The following FOXF2 variants were observed in gnomAD, a reference collection of about 807,000 sequenced individuals.
FOXF2 encodes forkhead box F2, also known as forkhead box protein F2.
A neutral mutation model predicts 29.1 loss-of-function variants in FOXF2; 15 were observed. That is an observed-to-expected ratio of 0.52 (90% CI 0.35 to 0.79). The LOEUF is 0.79. FOXF2 is among the 30% of genes least tolerant of loss of function. The probability of loss-of-function intolerance (pLI) is 0.01; values close to 1 mark genes in which losing one functional copy is unlikely to be tolerated. For missense variants in FOXF2, 675 were observed against 667.1 expected, an observed-to-expected ratio of 1.01 and a Z score of -0.13; for synonymous variants, 337 against 316.5, an observed-to-expected ratio of 1.06 and a Z score of -0.69.
At chr6:1,393,608 G>A (rs978192731) in intron 1 of FOXF2, among the ~76,000 whole-genome samples, 3 of 152,144 alleles carry the variant, frequency 2.0e-5, no homozygotes, top group Non-Finnish European at 4.4e-5. Flanking sequence ...CGGGGACACG[G>A]CGGGGCTGAG....
At chr6:1,393,170 C>A (rs898878340) in intron 1 of FOXF2, among the ~76,000 whole-genome samples, 8 of 152,080 alleles carry the variant, frequency 5.3e-5, no homozygotes, top group Non-Finnish European at 8.8e-5. Flanking sequence ...CCCAGCACGA[C>A]CCTCCCTCCC....
chr6:1,390,291 G>A lies in FOXF2; in HGVS notation c.344G>A (p.Ser115Asn), dbSNP rs1027713266. 3.7e-6 allele frequency: 6 copies of A among 1,612,828 alleles called. No homozygotes were observed. In the African/African-American group the frequency reaches 8.0e-5, roughly 22 times the overall value. Residue 115 changes from serine (S) to asparagine (N), a missense_variant, in exon 1 of 2, where the codon AGC (serine) becomes AAC (asparagine). By Grantham distance (46) the Ser-to-Asn change is conservative (BLOSUM62 1). Coordinates refer to ENST00000645481, the MANE Select transcript of FOXF2 (RefSeq NM_001452.2). This position sits in a 1 kb window ranked among gnomAD's most constrained non-coding sequence, Gnocchi z 8.5. ...GCGCTCATCGTCATGGCCATCCAGA[G>A]CTCGCCCAGCAAGCGCCTGACGCTC... ...YIALIVMAIQ[S>N]SPSKRLTLSE...
At chr6:1,393,410 T>C (rs567402555) in intron 1 of FOXF2, among the ~76,000 whole-genome samples, 9 of 151,910 alleles carry the variant, frequency 5.9e-5, no homozygotes, top group African/African-American at 2.2e-4. Context: ...TATTTTGTGG[T>C]CCAGGACTTG....
Position 1,390,932 on chromosome 6 carries a change from T to G in FOXF2, c.985T>G (p.Cys329Gly). 2 of 1,578,580 alleles carry G rather than the reference T, an allele frequency of 1.3e-6. No homozygotes were observed. The highest frequency in any genetic ancestry group is 2.7e-5 in the African/African-American group (2 of 74,332). Reference sequence around the variant, plus strand: ...CCCGGCCATGGCGAGCGCCATCGAATGCCACTCGCCCTACACGAGCCCTGC... The same window carrying G: ...CCCGGCCATGGCGAGCGCCATCGAAGGCCACTCGCCCTACACGAGCCCTGC... ...SSPAMASAIE[C>G]HSPYTSPAAH... Residue 329 changes from cysteine to glycine, a missense_variant, in exon 1 of 2, where the codon TGC becomes GGC. Coordinates refer to ENST00000645481, the MANE Select transcript of FOXF2 (RefSeq NM_001452.2). This position sits in a 1 kb window ranked among gnomAD's most constrained non-coding sequence, Gnocchi z 8.5.
Position 1,390,785 on chromosome 6 carries a change from C to A in FOXF2, c.838C>A (p.Pro280Thr), listed in dbSNP as rs1442162454. The change falls in exon 1 of 2, where the codon CCG becomes ACG. Residue 280 changes from proline (P) to threonine (T), a missense_variant. Transcript: ENST00000645481. The surrounding 1 kb of genome is among the most constrained non-coding windows in gnomAD (Gnocchi z 8.5). The part of the protein sequence containing the change: ...HHHVPHMSPN[P>T]GSTYMASCPV... Reference sequence around the variant, plus strand: ...CCACGTCCCGCACATGTCGCCCAACCCGGGTTCCACCTACATGGCCAGCTG... The same window carrying A: ...CCACGTCCCGCACATGTCGCCCAACACGGGTTCCACCTACATGGCCAGCTG... The A allele has an allele frequency of 2.9e-6, 4 of 1,388,020 alleles. No individual in the cohort carries two copies. Among genetic ancestry groups the A allele is most frequent in the East Asian group, 5.8e-5 (2 of 34,260 alleles). 86.0% of individuals were successfully genotyped at this position (1,388,020 alleles called of 1,614,324 possible).
Position 1,392,476 on chromosome 6 carries a change from A to ACCC in FOXF2, c.1171+1360_1171+1362dup, listed in dbSNP as rs1554124337. ...CACACACACACACACACACACACAC[A>ACCC]CCCCTCGGTGCACTGGCCCCTTCCC... On this transcript the variant is annotated intron_variant, in intron 1 of 1. Coordinates refer to ENST00000645481, the MANE Select transcript of FOXF2 (RefSeq NM_001452.2). Among the ~76,000 whole-genome samples the ACCC allele has an allele frequency of 2.0e-3, 280 of 139,968 alleles. 2 individuals are homozygous for ACCC. Among genetic ancestry groups the ACCC allele is most frequent in the East Asian group, 0.013 (59 of 4,584 alleles). The allele number at this position is 139,968 out of a possible 152,430, so 91.8% of individuals were successfully genotyped here.
Position 1,390,479 on chromosome 6 carries a change from C to T in FOXF2, c.532C>T (p.Pro178Ser). 2.5e-6 allele frequency: 4 copies of T among 1,612,032 alleles called. No homozygotes were observed. The highest frequency in any genetic ancestry group is 3.4e-6 in the Non-Finnish European group (4 of 1,179,876). ...CAAGGGCCACTACTGGACCATCGAC[C>T]CGGCCAGCGAGTTCATGTTCGAGGA... is the stretch of plus-strand genomic sequence containing the variant. The part of the protein sequence containing the change: ...PGKGHYWTID[P>S]ASEFMFEEGS... The change falls in exon 1 of 2, where the codon CCG (proline) becomes TCG (serine). Residue 178 changes from proline to serine, a missense_variant. Physicochemically the swap from Pro to Ser is moderately conservative, Grantham distance 74. This residue lies in a region of FOXF2 where 451 missense variants were observed against 437.2 expected (regional missense o/e 1.03). Coordinates refer to ENST00000645481, the MANE Select transcript of FOXF2 (RefSeq NM_001452.2). This position sits in a 1 kb window ranked among gnomAD's most constrained non-coding sequence, Gnocchi z 8.5.
rs745729901 is a variant in FOXF2, at chr6:1,391,100, G to C, written c.1153G>C (p.Ala385Pro). The change falls in exon 1 of 2, where the codon GCT becomes CCT. Residue 385 changes from alanine (A) to proline (P), a missense_variant. This residue lies in a region of FOXF2 where 451 missense variants were observed against 437.2 expected (regional missense o/e 1.03). Transcript: ENST00000645481. ...SLEQSYLHQN[A>P]REDLSVGLPR... is the part of the protein sequence containing the mutation. ...GGAGCAGAGCTACTTGCACCAGAAC[G>C]CTCGCGAGGACCTCTCAGGTAACGC... 3.7e-6 allele frequency: 6 copies of C among 1,602,822 alleles called. No homozygotes were observed. The South Asian group carries it at 6.6e-5, about 18-fold the overall frequency.
chr6:1,390,792 C>T lies in FOXF2; in HGVS notation c.845C>T (p.Ser282Phe). ...CCGCACATGTCGCCCAACCCGGGTT[C>T]CACCTACATGGCCAGCTGCCCGGTG... ...HVPHMSPNPGSTYMASCPVPA... is the reference protein window; with the variant it reads ...HVPHMSPNPGFTYMASCPVPA... Residue 282 changes from serine (S) to phenylalanine (F), a missense_variant, in exon 1 of 2, where the codon TCC becomes TTC. Ser to Phe is a radical substitution (Grantham distance 155). This residue lies in a region of FOXF2 where 451 missense variants were observed against 437.2 expected (regional missense o/e 1.03). Transcript: ENST00000645481. This position sits in a 1 kb window ranked among gnomAD's most constrained non-coding sequence, Gnocchi z 8.5. The T allele has an allele frequency of 7.2e-7, 1 of 1,388,018 alleles. No individual in the cohort carries two copies. Among genetic ancestry groups the T allele is most frequent in the Admixed American group, 3.7e-5 (1 of 27,206 alleles). 86.0% of individuals were successfully genotyped at this position (1,388,018 alleles called of 1,614,324 possible). A position where few individuals can be genotyped will look rare whatever the true frequency, so the allele number is the denominator to read the frequency against.
In FOXF2 at chr6:1,390,609, T is replaced by C; in HGVS notation, c.662T>C (p.Leu221Pro). Reference sequence around the variant, plus strand: ...GGCTTGGGCTTCGGGGCGTCGCTGCTGCCCCAGGGCTTCGACTTCCAGGCG... The same window carrying C: ...GGCTTGGGCTTCGGGGCGTCGCTGCCGCCCCAGGGCTTCGACTTCCAGGCG... ...VSGLGFGASL[L>P]PQGFDFQAPP... The change falls in exon 1 of 2, where the codon CTG becomes CCG. Residue 221 changes from leucine (L) to proline (P), a missense_variant. Physicochemically the swap from Leu to Pro is moderately conservative, Grantham distance 98. Transcript: ENST00000645481. This position sits in a 1 kb window ranked among gnomAD's most constrained non-coding sequence, Gnocchi z 8.5. 1 of 1,592,154 alleles carries C rather than the reference T, an allele frequency of 6.3e-7. No homozygotes were observed. Among genetic ancestry groups the C allele is most frequent in the Non-Finnish European group, 8.5e-7 (1 of 1,175,680 alleles).
intron 1 of FOXF2, among the ~76,000 whole-genome samples, chr6:1,393,697 G>A (rs1262046961): frequency 6.6e-6 from 1 of 152,182 alleles, no homozygotes; most frequent in East Asian, 1.9e-4. Flanking sequence ...GGCCCGAAGC[G>A]ACGTGCACTT....
rs1381501353 is a variant in FOXF2, at chr6:1,389,878, C to G, written c.-70C>G. ...GGCGCTCGCAGGGCTTCTGGGCCGA[C>G]CCCGCTCCGGCGCCTCCGCTTCCCG... On this transcript the variant is annotated 5_prime_UTR_variant, in exon 1 of 2. Coordinates refer to ENST00000645481, the MANE Select transcript of FOXF2 (RefSeq NM_001452.2). The G allele has an allele frequency of 3.9e-6, 2 of 516,086 alleles. No individual in the cohort carries two copies. The highest frequency in any genetic ancestry group is 4.2e-5 in the African/African-American group (2 of 47,610). 32.0% of individuals were successfully genotyped at this position (516,086 alleles called of 1,614,324 possible). A position where few individuals can be genotyped will look rare whatever the true frequency, so the allele number is the denominator to read the frequency against.
Position 1,389,667 on chromosome 6 carries a change from C to T in FOXF2, c.-281C>T, listed in dbSNP as rs2113366485. On this transcript the variant is annotated 5_prime_UTR_variant, in exon 1 of 2. Coordinates refer to ENST00000645481, the MANE Select transcript of FOXF2 (RefSeq NM_001452.2). ...CGCGGGCGCAGTCGCCCGGCGCCGGCCGCTCGGCCCCGCGGCCTGGGAGGC... is the reference window on the plus strand; with the variant it reads ...CGCGGGCGCAGTCGCCCGGCGCCGGTCGCTCGGCCCCGCGGCCTGGGAGGC... 1.3e-5 allele frequency: 2 copies of T among 150,696 alleles called. No individual in the cohort carries two copies. Among genetic ancestry groups the T allele is most frequent in the Admixed American group, 1.3e-4 (2 of 15,132 alleles). 9.3% of individuals were successfully genotyped at this position (150,696 alleles called of 1,614,324 possible).
intron 1 of FOXF2, among the ~76,000 whole-genome samples, chr6:1,393,470 C>A (rs1758837227): frequency 6.6e-6 from 1 of 152,128 alleles, no homozygotes; most frequent in South Asian, 2.1e-4. Context: ...GTGTGCAGAG[C>A]GCCGCGCACA....
intron 1 of FOXF2, among the ~76,000 whole-genome samples, chr6:1,393,124 C>G (rs752027652): frequency 3.2e-4 from 48 of 152,170 alleles, no homozygotes; most frequent in Middle Eastern, 6.8e-3. Flanking sequence ...GGCAGTCTCC[C>G]CGGCACACAG....
chr6:1,391,047 T>C lies in FOXF2; in HGVS notation c.1100T>C (p.Leu367Pro), dbSNP rs1260464215. The change falls in exon 1 of 2, where the codon CTG (leucine) becomes CCG (proline). Residue 367 changes from leucine to proline, a missense_variant. Physicochemically the swap from Leu to Pro is moderately conservative, Grantham distance 98. This residue lies in a region of FOXF2 where 451 missense variants were observed against 437.2 expected (regional missense o/e 1.03). Coordinates refer to ENST00000645481, the MANE Select transcript of FOXF2 (RefSeq NM_001452.2). ...PSSNPAASAG[L>P]HSSMSSYSLE... ...AGCAACCCCGCCGCCTCGGCAGGCC[T>C]GCACTCCAGCATGTCCTCCTACTCG... 6.2e-7 allele frequency: 1 copy of C among 1,602,030 alleles called. No individual in the cohort carries two copies. Among genetic ancestry groups the C allele is most frequent in the African/African-American group, 1.3e-5 (1 of 75,024 alleles).
chr6:1,393,524 G>C (rs1466927506), intron 1 of FOXF2, among the ~76,000 whole-genome samples: 1 of 152,176 alleles, frequency 6.6e-6, no homozygotes, highest in Non-Finnish European at 1.5e-5. Context: ...GCGCAGCGCC[G>C]GGTGTGTTCG....
intron 1 of FOXF2, among the ~76,000 whole-genome samples, chr6:1,393,553 G>A (rs2113371818): frequency 6.6e-6 from 1 of 152,270 alleles, no homozygotes; most frequent in South Asian, 2.1e-4. Context: ...TTGCGGGCAA[G>A]GAAGTAGGCA....
intron 1 of FOXF2, 23 bp from the exon 2 acceptor site, chr6:1,394,673 T>A (rs1452453611): frequency 6.2e-7 from 1 of 1,609,792 alleles, no homozygotes; most frequent in Non-Finnish European, 8.5e-7. Flanking sequence ...TCTGAAGAGG[T>A]TTTTTTTTCT....
Sources: allele counts gnomAD v4.1 joint callset (sites outside exome capture counted in the v4.1 genomes callset), GRCh38; gene constraint gnomAD v4.1.1; regional missense constraint gnomAD v4.1.1; non-coding constraint Gnocchi (gnomAD v3.1); transcripts MANE v1.5; gene names NCBI Gene and HGNC (gene_info 2026-07-23, HGNC 2026-07-21).